The following PTPRD variants were observed in gnomAD, a reference collection of about 807,000 sequenced individuals.
PTPRD encodes receptor-type tyrosine-protein phosphatase delta.
A neutral mutation model predicts 214.5 loss-of-function variants in PTPRD; 34 were observed. The ratio of observed to expected loss-of-function variants is 0.16; its 90% confidence interval spans 0.12 to 0.21. The LOEUF (loss-of-function observed/expected upper bound fraction) is 0.21. Among genes scored for constraint, PTPRD ranks in the 10% least tolerant of loss-of-function variants. PTPRD has a pLI of 1.00. For synonymous variants in PTPRD, 1,128 were observed against 845.7 expected (o/e 1.33, Z -5.79); for missense variants, 2,545 against 2,398.7 (o/e 1.06, Z -1.27).
intron 2 of PTPRD, among the ~76,000 whole-genome samples, chr9:10,508,695 A>T (rs1177952141): frequency 6.6e-6 from 1 of 152,192 alleles, no homozygotes; most frequent in East Asian, 1.9e-4. Flanking sequence ...TATCGCAAGG[A>T]CAAAAAAACA....
At chr9:8,750,450 G>C (rs983655595) in intron 11 of PTPRD, among the ~76,000 whole-genome samples, 1 of 150,604 alleles carries the variant, frequency 6.6e-6, no homozygotes. Context: ...GAGCCACCAT[G>C]CCCGGCCAAG....
chr9:8,708,697 A>AG (rs1190154337), intron 12 of PTPRD, among the ~76,000 whole-genome samples: 1 of 148,182 alleles, frequency 6.7e-6, no homozygotes, highest in Middle Eastern at 3.4e-3. Context: ...AAAAAAAAAA[A>AG]AAAAAAACAG....
intron 7 of PTPRD, among the ~76,000 whole-genome samples, chr9:9,590,643 A>T (rs1408607497): frequency 3.3e-5 from 5 of 151,902 alleles, no homozygotes; most frequent in Admixed American, 3.3e-4. Flanking sequence ...TCAAGATAAC[A>T]CTTGTCTTTT....
chr9:10,541,552 A>C (rs1049779089), intron 2 of PTPRD, among the ~76,000 whole-genome samples: 1 of 151,870 alleles, frequency 6.6e-6, no homozygotes, highest in Admixed American at 6.6e-5. Context: ...TTTATATAAT[A>C]CACAAATAAA....
At chr9:10,156,606 A>G (rs1000492152) in intron 3 of PTPRD, among the ~76,000 whole-genome samples, 1 of 152,124 alleles carries the variant, frequency 6.6e-6, no homozygotes, top group African/African-American at 2.4e-5. Flanking sequence ...AACAGTGTGT[A>G]TTCTTGTTTT....
At chr9:8,528,198 T>C (rs1032734565) in intron 15 of PTPRD, 3 of 412,428 alleles carry the variant, frequency 7.3e-6, no homozygotes, top group African/African-American at 4.1e-5. Context: ...GATACAACCA[T>C]TGGATCTCCT....
Position 10,548,524 on chromosome 9 carries a change from A to C in PTPRD, c.-600+63874T>G, listed in dbSNP as rs2060630085. On this transcript the variant is annotated intron_variant, in intron 2 of 45. Transcript: ENST00000381196. Reference sequence around the variant, plus strand: ...GCTCAGCTGTTCTGTGAAAGCCTGGAAAAGTGAAACATCTGAAAGACCTAA... The same window carrying C: ...GCTCAGCTGTTCTGTGAAAGCCTGGCAAAGTGAAACATCTGAAAGACCTAA... Among the ~76,000 whole-genome samples, 3 of 152,308 alleles carry C rather than the reference A, an allele frequency of 2.0e-5. No homozygotes were observed. The South Asian group carries it at 6.2e-4, about 32-fold the overall frequency.
intron 9 of PTPRD, among the ~76,000 whole-genome samples, chr9:9,190,322 G>A (rs2099934332): frequency 6.6e-6 from 1 of 151,998 alleles, no homozygotes; most frequent in Admixed American, 6.6e-5. Context: ...GTCGTGGGAG[G>A]GACCCAGGGG....
At chr9:10,046,267 C>T (rs545606482) in intron 3 of PTPRD, among the ~76,000 whole-genome samples, 3 of 151,830 alleles carry the variant, frequency 2.0e-5, no homozygotes, top group East Asian at 3.9e-4. Context: ...TCTCAGTTAT[C>T]CATACAATTT....
chr9:10,306,692 CAG>C (rs2096081172), intron 3 of PTPRD, among the ~76,000 whole-genome samples: 1 of 152,138 alleles, frequency 6.6e-6, no homozygotes, highest in South Asian at 2.1e-4. Flanking sequence ...TATATCCAAC[CAG>C]AGTCTCAAAA....
intron 21 of PTPRD, among the ~76,000 whole-genome samples, chr9:8,511,317 C>T (rs557089194): frequency 1.3e-5 from 2 of 152,180 alleles, no homozygotes; most frequent in South Asian, 2.1e-4. Context: ...GAAATCCTTC[C>T]ACCTCGACCA....
chr9:10,085,205 A>C (rs73641848), intron 3 of PTPRD, among the ~76,000 whole-genome samples: 299 of 152,022 alleles, frequency 2.0e-3, no homozygotes, highest in African/African-American at 6.8e-3. Context: ...TGTAATTTAT[A>C]AATAAGTATA....
rs75286447 is a variant in PTPRD, at chr9:9,687,527, G to A, written c.-287+47006C>T. On this transcript the variant is annotated intron_variant, in intron 7 of 45. Transcript: ENST00000381196. ...CTGAAAAATATAGGGAGAGCATAGG[G>A]CAATTTCATATTGTTAAATGTACTT... is the stretch of plus-strand genomic sequence containing the variant. 3.3e-3 allele frequency among the ~76,000 whole-genome samples: 451 copies of A among 136,638 alleles called. 2 individuals carry two copies. The highest frequency in any genetic ancestry group is 0.011 in the African/African-American group (430 of 38,152). The allele number at this position is 136,638 out of a possible 152,430, so 89.6% of individuals were successfully genotyped here. A position where few individuals can be genotyped will look rare whatever the true frequency, so the allele number is the denominator to read the frequency against.
chr9:10,375,831 T>G (rs943905406), intron 2 of PTPRD, among the ~76,000 whole-genome samples: 18 of 152,018 alleles, frequency 1.2e-4, no homozygotes, highest in African/African-American at 4.3e-4. Context: ...GTTCACAATG[T>G]GGAGCAATTA....
At chr9:9,259,222 C>T (rs2099979039) in intron 9 of PTPRD, among the ~76,000 whole-genome samples, 1 of 151,874 alleles carries the variant, frequency 6.6e-6, no homozygotes. Flanking sequence ...ACCTAGGCTT[C>T]TTGTCACATA....
intron 11 of PTPRD, among the ~76,000 whole-genome samples, chr9:8,786,049 G>GTGTGTGT (rs2095943893): frequency 7.1e-6 from 1 of 141,442 alleles, no homozygotes; most frequent in African/African-American, 2.8e-5. Flanking sequence ...GTGTGTGTGT[G>GTGTGTGT]TGTGTGTGTG....
rs549012844 is a variant in PTPRD at position 10,091,522 on chromosome 9, A to C, written c.-544-57732T>G. 4.6e-5 allele frequency among the ~76,000 whole-genome samples: 7 copies of C among 151,700 alleles called. 1 individual carries two copies. In the South Asian group the frequency reaches 1.5e-3, roughly 31 times the overall value. ...TACTACTTCCTAAAATAGAAATTTT[A>C]AATATTTGTTCCTTTGGATTGGTAT... On this transcript the variant is annotated intron_variant, in intron 3 of 45. Coordinates refer to ENST00000381196, the MANE Select transcript of PTPRD (RefSeq NM_002839.4).
At chr9:8,843,783 G>C (rs545810393) in intron 11 of PTPRD, among the ~76,000 whole-genome samples, 2 of 152,184 alleles carry the variant, frequency 1.3e-5, no homozygotes, top group East Asian at 1.9e-4. Flanking sequence ...GGTTGGCAAG[G>C]ACCCCATTTC....
In PTPRD at chr9:8,394,404, G is replaced by A. The variant is rs184541535; in HGVS notation, c.4211-4997C>T. The stretch of plus-strand genomic sequence containing the variant: ...TCCTAAGGGGAAGGATCATAATTTT[G>A]CATCACATTACACTGTAGGTAAAGT... On this transcript the variant is annotated intron_variant, in intron 36 of 45. Transcript: ENST00000381196. Among the ~76,000 whole-genome samples the A allele has an allele frequency of 1.0e-3, 153 of 152,192 alleles. 1 individual carries two copies. The highest frequency in any genetic ancestry group is 3.6e-3 in the African/African-American group (150 of 41,532).
Sources: allele counts gnomAD v4.1 joint callset (sites outside exome capture counted in the v4.1 genomes callset), GRCh38; gene constraint gnomAD v4.1.1; transcripts MANE v1.5; gene names NCBI Gene and HGNC (gene_info 2026-07-23, HGNC 2026-07-21).